Variants in CDC16 observed in about 807,000 individuals in gnomAD.
CDC16 encodes the protein cell division cycle protein 16 homolog.
CDC16 carries 34 observed loss-of-function variants against 87.0 expected under a neutral mutation model. The observed-to-expected ratio is 0.39, with a 90% CI of 0.30 to 0.52. CDC16 has a LOEUF of 0.52. Among genes scored for constraint, CDC16 ranks in the 20% least tolerant of loss-of-function variants. CDC16 has a pLI of 0.74. For synonymous variants in CDC16, 263 were observed against 260.6 expected (o/e 1.01, Z -0.09); for missense variants, 653 against 751.9 (o/e 0.87, Z 1.54).
chr13:114,259,720 G>A (rs17291424), intron 14 of CDC16, among the ~76,000 whole-genome samples: 2,456 of 152,336 alleles, frequency 0.016, 35 homozygotes, highest in Non-Finnish European at 0.028. Context: ...GCACTGTAGC[G>A]TCAGATGTAA....
Position 114,242,138 on chromosome 13 carries a change from T to C in CDC16, c.399T>C (p.Cys133=). The change falls in exon 6 of 18, where the codon TGT becomes TGC. Residue 133 remains cysteine (C), a synonymous_variant. Coordinates refer to ENST00000356221, the MANE Select transcript of CDC16 (RefSeq NM_001078645.3). ...TCCAACAGATAAAGAGTTCTATCTG[T>C]CTTCTACGCGGGAAAATCTATGATG... is the stretch of plus-strand genomic sequence containing the variant. ...MSQSSIKSSI[C]LLRGKIYDAL... 1.9e-6 allele frequency: 3 copies of C among 1,609,888 alleles called. No homozygotes were observed. Among genetic ancestry groups the C allele is most frequent in the Non-Finnish European group, 2.5e-6 (3 of 1,178,922 alleles).
chr13:114,249,553 C>G (rs971263837), intron 11 of CDC16, among the ~76,000 whole-genome samples: 1 of 152,046 alleles, frequency 6.6e-6, no homozygotes, highest in African/African-American at 2.4e-5. Flanking sequence ...CTATGTCTTC[C>G]ACGTTTTGTG....
rs2081906234 is a variant in CDC16 at position 114,246,994 on chromosome 13, A to C, written c.961A>C (p.Arg321=). The C allele has an allele frequency of 6.2e-7, 1 of 1,605,890 alleles. No homozygotes were observed. Among genetic ancestry groups the C allele is most frequent in the Admixed American group, 1.7e-5 (1 of 59,988 alleles). Residue 321 remains arginine, a synonymous_variant, in exon 11 of 18, where the codon AGA becomes CGA. Coordinates refer to ENST00000356221, the MANE Select transcript of CDC16 (RefSeq NM_001078645.3). ...MVGHKNEHAR[R]YLSKATTLEK... is the part of the protein sequence containing the mutation. The stretch of plus-strand genomic sequence containing the variant: ...CGGTCATAAAAATGAACATGCCAGA[A>C]GATATCTCAGGTATGAATTTATTTT...
At chr13:114,247,190 C>T in intron 11 of CDC16, 186 bp downstream of exon 11, 2 of 574,148 alleles carry the variant, frequency 3.5e-6, no homozygotes, top group South Asian at 2.1e-5. Flanking sequence ...CTCCCCTCCC[C>T]TCTCTCTCGA....
chr13:114,256,902 A>G (rs1008930590), intron 12 of CDC16, among the ~76,000 whole-genome samples, 176 bp from the exon 13 acceptor site: 7 of 152,236 alleles, frequency 4.6e-5, no homozygotes, highest in African/African-American at 1.7e-4. Flanking sequence ...GTGGCAGCTG[A>G]TTAGTCCAAA....
At chr13:114,260,517 G>A (rs778674142) in intron 14 of CDC16, among the ~76,000 whole-genome samples, 2 of 152,200 alleles carry the variant, frequency 1.3e-5, no homozygotes, top group Non-Finnish European at 2.9e-5. Flanking sequence ...GTTTTAGCGT[G>A]ATGCCCAGGG....
chr13:114,270,332 C>A (rs892091623), intron 17 of CDC16, among the ~76,000 whole-genome samples: 2 of 152,114 alleles, frequency 1.3e-5, no homozygotes, highest in African/African-American at 4.8e-5. Flanking sequence ...AACTCACTAT[C>A]ACGAGAACAG....
chr13:114,239,559 A>G lies in CDC16; in HGVS notation c.381+69A>G, dbSNP rs932969078. On this transcript the variant is annotated intron_variant, in intron 5 of 17. Coordinates refer to ENST00000356221, the MANE Select transcript of CDC16 (RefSeq NM_001078645.3). The stretch of plus-strand genomic sequence containing the variant: ...TGCCCTCATTACGTGGCAGAAACAC[A>G]TTATCTTCTTTTACTTATTACTATA... The G allele has an allele frequency of 2.1e-5, 30 of 1,406,116 alleles. No individual in the cohort carries two copies. In the Admixed American group the frequency reaches 6.6e-4, roughly 31 times the overall value. 87.1% of individuals were successfully genotyped at this position (1,406,116 alleles called of 1,614,324 possible).
chr13:114,266,449 TCA>T (rs2083217739), intron 17 of CDC16, among the ~76,000 whole-genome samples: 1 of 152,164 alleles, frequency 6.6e-6, no homozygotes, highest in Non-Finnish European at 1.5e-5. Flanking sequence ...CTGAGGCACA[TCA>T]CAGTTTAAAA....
At chr13:114,243,373 C>T (rs774415308) in intron 7 of CDC16, 25 bp downstream of exon 7, 7 of 1,088,902 alleles carry the variant, frequency 6.4e-6, no homozygotes, top group Non-Finnish European at 9.9e-6. Flanking sequence ...AGAGTTAGCA[C>T]TTGCTTTATG....
At chr13:114,239,870 G>A (rs981950198) in intron 5 of CDC16, among the ~76,000 whole-genome samples, 5 of 152,012 alleles carry the variant, frequency 3.3e-5, no homozygotes, top group Admixed American at 1.3e-4. Context: ...TTTGTGTTCT[G>A]TTTGCTTCAA....
Position 114,272,189 on chromosome 13 carries a change from G to A in CDC16, c.1609G>A (p.Asp537Asn), listed in dbSNP as rs1322454107. Residue 537 changes from aspartate to asparagine, a missense_variant, in exon 18 of 18, where the codon GAC (aspartate) becomes AAC (asparagine). Asp to Asn is a conservative substitution (Grantham distance 23). Coordinates refer to ENST00000356221, the MANE Select transcript of CDC16 (RefSeq NM_001078645.3). ...IGDSEAYIGADIKDKLKCYDF... is the reference protein window; with the variant it reads ...IGDSEAYIGANIKDKLKCYDF... The stretch of plus-strand genomic sequence containing the variant: ...ATTATAGTATTTCTTTTTAGGAGCA[G>A]ACATTAAAGACAAATTAAAATGTTA... The A allele has an allele frequency of 1.3e-6, 2 of 1,501,548 alleles. No individual in the cohort carries two copies. Among genetic ancestry groups the A allele is most frequent in the Non-Finnish European group, 1.8e-6 (2 of 1,101,710 alleles). 93.0% of individuals were successfully genotyped at this position (1,501,548 alleles called of 1,614,324 possible).
At chr13:114,244,041 A>C in intron 8 of CDC16, 52 bp downstream of exon 8, 3 of 1,297,378 alleles carry the variant, frequency 2.3e-6, no homozygotes, top group Non-Finnish European at 3.3e-6. Flanking sequence ...ACTCCATCTT[A>C]CCTAGGTGAT....
At chr13:114,238,469 G>A (rs1489879271) in intron 3 of CDC16, among the ~76,000 whole-genome samples, 3 of 143,372 alleles carry the variant, frequency 2.1e-5, no homozygotes, top group Non-Finnish European at 4.5e-5. Flanking sequence ...CTCCTCGGAC[G>A]CCCAGCAGTT....
intron 16 of CDC16, 51 bp downstream of exon 16, chr13:114,263,065 T>C (rs1383695206): frequency 6.6e-7 from 1 of 1,510,660 alleles, no homozygotes; most frequent in South Asian, 1.1e-5. Context: ...ATTGACCACT[T>C]CCTTTTTTGA....
At chr13:114,251,084 G>C (rs1185834661) in intron 12 of CDC16, among the ~76,000 whole-genome samples, 3 of 152,202 alleles carry the variant, frequency 2.0e-5, no homozygotes, top group Admixed American at 2.0e-4. Flanking sequence ...AATATTAAAT[G>C]TATTGAAACT....
chr13:114,250,028 A>C (rs977639043), intron 11 of CDC16, among the ~76,000 whole-genome samples: 1 of 152,222 alleles, frequency 6.6e-6, no homozygotes, highest in African/African-American at 2.4e-5. Flanking sequence ...TTAACAATTC[A>C]AGAATAAATA....
intron 17 of CDC16, among the ~76,000 whole-genome samples, chr13:114,266,269 G>A (rs555860709): frequency 4.7e-4 from 71 of 152,284 alleles, no homozygotes; most frequent in African/African-American, 1.5e-3. Flanking sequence ...CTCCTAAAAC[G>A]GGGTCTGTGG....
intron 14 of CDC16, 55 bp downstream of exon 14, chr13:114,259,453 T>A: frequency 3.1e-6 from 3 of 957,540 alleles, no homozygotes; most frequent in Non-Finnish European, 4.5e-6. Flanking sequence ...GTGTTTACTG[T>A]TAAATGAGGA....
Sources: gnomAD v4.1 joint callset for allele counts (sites outside exome capture counted in the v4.1 genomes callset) on GRCh38, gnomAD v4.1.1 for gene constraint, MANE v1.5 for transcripts, NCBI Gene and HGNC (gene_info 2026-07-23, HGNC 2026-07-21) for gene names.